HEMK2: variants seen among roughly 807,000 people sequenced by gnomAD.
HEMK2 encodes methyltransferase HEMK2.
At chr21:28,857,589 G>C in the HEMK2 span, among the ~76,000 whole-genome samples, 1 of 152,078 alleles carries the variant, frequency 6.6e-6, no homozygotes, top group Non-Finnish European at 1.5e-5. Context: ...ATTTATAAAT[G>C]TAATATACTC....
the HEMK2 span, among the ~76,000 whole-genome samples, chr21:28,702,005 T>C: frequency 2.0e-5 from 3 of 151,908 alleles, no homozygotes; most frequent in Non-Finnish European, 2.9e-5. Flanking sequence ...TAAAAGAGAA[T>C]TGAGAGCTGA....
At chr21:28,673,872 C>T in the HEMK2 span, among the ~76,000 whole-genome samples, 3 of 151,614 alleles carry the variant, frequency 2.0e-5, no homozygotes, top group Non-Finnish European at 2.9e-5. Context: ...ACAAAACATT[C>T]GTTAAAATTA....
the HEMK2 span, among the ~76,000 whole-genome samples, chr21:28,754,815 C>A: frequency 6.6e-6 from 1 of 152,160 alleles, no homozygotes; most frequent in Non-Finnish European, 1.5e-5. Flanking sequence ...AAAAACTGTT[C>A]TTATTTTTAA....
the HEMK2 span, among the ~76,000 whole-genome samples, chr21:28,871,566 A>T: frequency 1.3e-5 from 2 of 152,116 alleles, no homozygotes; most frequent in African/African-American, 4.8e-5. Flanking sequence ...GTCTATTCCT[A>T]ATTAGCTTTT....
the HEMK2 span, among the ~76,000 whole-genome samples, chr21:28,791,643 C>T: frequency 3.3e-5 from 5 of 152,066 alleles, no homozygotes; most frequent in South Asian, 1.0e-3. Context: ...CAGGGAAGGT[C>T]AAAACTGAGA....
At chr21:28,600,021 G>A in the HEMK2 span, among the ~76,000 whole-genome samples, 3 of 152,314 alleles carry the variant, frequency 2.0e-5, no homozygotes, top group East Asian at 3.9e-4. Context: ...CTTCTCCCCA[G>A]CTGCTTTCAC....
At chr21:28,639,555 C>T in the HEMK2 span, among the ~76,000 whole-genome samples, 4 of 152,034 alleles carry the variant, frequency 2.6e-5, no homozygotes, top group African/African-American at 9.7e-5. Context: ...GAAGGAAATT[C>T]CAGAAGAGTC....
At chr21:28,681,333 C>G in the HEMK2 span, among the ~76,000 whole-genome samples, 1 of 152,074 alleles carries the variant, frequency 6.6e-6, no homozygotes, top group African/African-American at 2.4e-5. Context: ...ACCTAGGAAT[C>G]CAATTTACAA....
At chr21:28,657,598 A>G in the HEMK2 span, among the ~76,000 whole-genome samples, 1 of 152,042 alleles carries the variant, frequency 6.6e-6, no homozygotes, top group Admixed American at 6.6e-5. Context: ...AAACAAAAAA[A>G]CCTCTGGAAG....
At chr21:28,850,350 G>A in the HEMK2 span, among the ~76,000 whole-genome samples, 6 of 148,242 alleles carry the variant, frequency 4.0e-5, no homozygotes, top group Non-Finnish European at 7.4e-5. Context: ...TCAGCCTCCC[G>A]AGTAGCTGGG....
chr21:28,680,135 A>C, the HEMK2 span, among the ~76,000 whole-genome samples: 1 of 152,254 alleles, frequency 6.6e-6, no homozygotes, highest in Non-Finnish European at 1.5e-5. Context: ...AAAGATTGAC[A>C]AAATTGATAG....
chr21:28,744,552 G>A, the HEMK2 span, among the ~76,000 whole-genome samples: 2 of 152,116 alleles, frequency 1.3e-5, no homozygotes, highest in Non-Finnish European at 2.9e-5. Flanking sequence ...TCACTGTTTG[G>A]CCTCTCCTGT....
chr21:28,877,069 A>C, the HEMK2 span, among the ~76,000 whole-genome samples: 1 of 55,584 alleles, frequency 1.8e-5, no homozygotes. Context: ...GGAAGGAGGG[A>C]GGGAAGGGAA....
chr21:28,819,520 C>G, the HEMK2 span, among the ~76,000 whole-genome samples: 1 of 142,190 alleles, frequency 7.0e-6, no homozygotes, highest in African/African-American at 2.6e-5. Context: ...GTTCTTTCAG[C>G]TTTCCACCTT....
chr21:28,658,335 A>G, the HEMK2 span, among the ~76,000 whole-genome samples: 565 of 152,156 alleles, frequency 3.7e-3, 2 homozygotes, highest in African/African-American at 0.013. Flanking sequence ...CCCGAAACCA[A>G]TAGAGTGGGA....
the HEMK2 span, among the ~76,000 whole-genome samples, chr21:28,771,518 A>ACCCCGCCCCC: frequency 9.5e-6 from 1 of 105,594 alleles, no homozygotes; most frequent in African/African-American, 3.4e-5. Flanking sequence ...AAGATGCACC[A>ACCCCGCCCCC]CCCCCCCCCG....
the HEMK2 span, among the ~76,000 whole-genome samples, chr21:28,832,871 T>C: frequency 6.6e-5 from 10 of 152,350 alleles, no homozygotes; most frequent in Middle Eastern, 3.4e-3. Flanking sequence ...TCAGCTAATA[T>C]TTCTGGAGTA....
chr21:28,692,740 A>AGGG, the HEMK2 span, among the ~76,000 whole-genome samples: 4 of 152,200 alleles, frequency 2.6e-5, no homozygotes, highest in African/African-American at 9.7e-5. Context: ...TGATAACCAA[A>AGGG]AAGTTCAAAT....
At chr21:28,759,713 A>G in the HEMK2 span, among the ~76,000 whole-genome samples, 1 of 152,162 alleles carries the variant, frequency 6.6e-6, no homozygotes, top group Non-Finnish European at 1.5e-5. Flanking sequence ...ATGATAGTGA[A>G]TAAGTCTCAT....
Sources: gnomAD v4.1 joint callset for allele counts (sites outside exome capture counted in the v4.1 genomes callset) on GRCh38, gnomAD v4.1.1 for gene constraint, MANE v1.5 for transcripts, NCBI Gene and HGNC (gene_info 2026-07-23, HGNC 2026-07-21) for gene names.